SLC20A2: variants seen among roughly 807,000 people sequenced by gnomAD.
SLC20A2 encodes sodium-dependent phosphate transporter 2.
Under a neutral mutation model 61.0 loss-of-function variants are expected in SLC20A2, and 30 were observed. The observed-to-expected ratio is 0.49, with a 90% confidence interval of 0.37 to 0.67. The LOEUF (loss-of-function observed/expected upper bound fraction) is 0.67, where lower values mean the gene tolerates loss of function less well. SLC20A2 is among the 30% of genes least tolerant of loss of function. SLC20A2 has a pLI of 0.00. For synonymous variants in SLC20A2, 351 were observed against 353.3 expected (o/e 0.99, Z 0.07); for missense variants, 626 against 866.4 (o/e 0.72, Z 3.48).
rs2131231366 is a variant in SLC20A2 at position 42,472,963 on chromosome 8, G to A, written c.-264-309C>T. On this transcript the variant is annotated intron_variant, in intron 1 of 10. Coordinates refer to ENST00000520262, the MANE Select transcript of SLC20A2 (RefSeq NM_001257180.2). This position sits in a 1 kb window ranked among gnomAD's most constrained non-coding sequence, Gnocchi z 4.1. ...ATATTTGGTCATTATTTTCAGAGAG[G>A]AACAAGTGCCTCAAATGAGCAAAAG... Among the ~76,000 whole-genome samples, 1 of 152,262 alleles carries A rather than the reference G, an allele frequency of 6.6e-6. No individual in the cohort carries two copies. The highest frequency in any genetic ancestry group is 2.1e-4 in the South Asian group (1 of 4,818).
intron 1 of SLC20A2, among the ~76,000 whole-genome samples, chr8:42,499,284 C>T (rs1463825044): frequency 1.3e-5 from 2 of 152,174 alleles, no homozygotes; most frequent in African/African-American, 2.4e-5. Flanking sequence ...CATAACCAGT[C>T]ACAGCCAGCA....
intron 10 of SLC20A2, among the ~76,000 whole-genome samples, chr8:42,421,528 G>T (rs554433715): frequency 1.1e-4 from 16 of 152,152 alleles, no homozygotes; most frequent in Non-Finnish European, 2.1e-4. Context: ...ATATCGGCCG[G>T]GTGCGGTGGC....
Position 42,437,690 on chromosome 8 carries a change from C to A in SLC20A2, c.935-113G>T. 2.3e-6 allele frequency: 2 copies of A among 863,278 alleles called. No individual in the cohort carries two copies. Among genetic ancestry groups the A allele is most frequent in the Non-Finnish European group, 3.3e-6 (2 of 597,584 alleles). 53.5% of individuals were successfully genotyped at this position (863,278 alleles called of 1,614,324 possible). ...GTGGAGTACAATGGCGCAATCTCGG[C>A]TCACTGCAACCTTCGCCTCCCGGGT... On this transcript the variant is annotated intron_variant, in intron 7 of 10. Transcript: ENST00000520262. This position sits in a 1 kb window ranked among gnomAD's most constrained non-coding sequence, Gnocchi z 6.4.
chr8:42,496,962 TC>T (rs1809977027), intron 1 of SLC20A2, among the ~76,000 whole-genome samples: 1 of 152,176 alleles, frequency 6.6e-6, no homozygotes, highest in African/African-American at 2.4e-5. Flanking sequence ...GGCTGTGAGG[TC>T]ACATGGGGAG....
intron 1 of SLC20A2, among the ~76,000 whole-genome samples, chr8:42,538,950 G>A (rs771550993): frequency 6.6e-6 from 1 of 152,172 alleles, no homozygotes. Context: ...GGGAGGCTGA[G>A]GAGGGCAGAT....
intron 1 of SLC20A2, among the ~76,000 whole-genome samples, chr8:42,500,463 T>G (rs1810247607): frequency 6.6e-6 from 1 of 152,232 alleles, no homozygotes; most frequent in Admixed American, 6.5e-5. Flanking sequence ...TTTAAATTAT[T>G]CTCTAAAACC....
At chr8:42,533,213 G>C (rs753091643) in intron 1 of SLC20A2, among the ~76,000 whole-genome samples, 2 of 152,122 alleles carry the variant, frequency 1.3e-5, no homozygotes, top group African/African-American at 2.4e-5. Flanking sequence ...ATTTACAGAA[G>C]AAAAAATTGT....
intron 6 of SLC20A2, among the ~76,000 whole-genome samples, chr8:42,442,153 G>A (rs930315544): frequency 2.4e-4 from 36 of 151,908 alleles, no homozygotes; most frequent in Admixed American, 5.9e-4. Context: ...GGCTGATCTC[G>A]AACTCCCGAC....
At chr8:42,498,998 A>C (rs190080598) in intron 1 of SLC20A2, among the ~76,000 whole-genome samples, 3 of 152,350 alleles carry the variant, frequency 2.0e-5, no homozygotes, top group Admixed American at 2.0e-4. Flanking sequence ...AGTGAAATAA[A>C]TCTGCAACCG....
At chr8:42,493,047 G>A (rs1378687727) in intron 1 of SLC20A2, among the ~76,000 whole-genome samples, 3 of 152,162 alleles carry the variant, frequency 2.0e-5, no homozygotes, top group Admixed American at 6.5e-5. Context: ...CTGAATTTCA[G>A]CCTCAATGCC....
At chr8:42,440,581 C>A (rs910003230) in intron 6 of SLC20A2, among the ~76,000 whole-genome samples, 6 of 152,284 alleles carry the variant, frequency 3.9e-5, no homozygotes, top group Admixed American at 1.3e-4. Flanking sequence ...TATAAACATT[C>A]ATGTGCAGAT....
rs1259257563 is a variant in SLC20A2 at position 42,437,455 on chromosome 8, G to GC, written c.1056dup (p.Leu353AlafsTer62). 6.2e-7 allele frequency: 1 copy of GC among 1,614,126 alleles called. No homozygotes were observed. The highest frequency in any genetic ancestry group is 2.2e-5 in the East Asian group (1 of 44,876). ...ATTTTGTGCAGCAGATCTTTGTAGAGCCCCGAGTCTTTGTGCACGGTGTGG... is the reference window on the plus strand; with the variant it reads ...ATTTTGTGCAGCAGATCTTTGTAGAGCCCCCGAGTCTTTGTGCACGGTGTGG... On this transcript the variant is annotated frameshift_variant, in exon 8 of 11. Coordinates refer to ENST00000520262, the MANE Select transcript of SLC20A2 (RefSeq NM_001257180.2). LOFTEE classifies it high-confidence loss of function. This position sits in a 1 kb window ranked among gnomAD's most constrained non-coding sequence, Gnocchi z 6.4.
Position 42,497,767 on chromosome 8 carries a change from G to A in SLC20A2, c.-265+3264C>T, listed in dbSNP as rs117020537. ...TGGAGCCAAGTCTCTTTGTTGTGGA[G>A]CCATGAACTAGACCCAGAACCTTAG... is the stretch of plus-strand genomic sequence containing the variant. On this transcript the variant is annotated intron_variant, in intron 1 of 10. Transcript: ENST00000520262. Among the ~76,000 whole-genome samples, 52 of 149,976 alleles carry A rather than the reference G, an allele frequency of 3.5e-4. No homozygotes were observed. In the East Asian group the frequency reaches 9.2e-3, roughly 27 times the overall value.
chr8:42,439,901 A>C (rs1804635802), intron 6 of SLC20A2, among the ~76,000 whole-genome samples: 1 of 152,082 alleles, frequency 6.6e-6, no homozygotes, highest in African/African-American at 2.4e-5. Flanking sequence ...CCTGGATAAT[A>C]TGGTGAAACC....
intron 2 of SLC20A2, chr8:42,471,303 G>A (rs1034756052): frequency 2.0e-5 from 9 of 446,416 alleles, no homozygotes; most frequent in African/African-American, 1.2e-4. Flanking sequence ...GAAGACCCAC[G>A]GGGCCGAGAT....
intron 2 of SLC20A2, among the ~76,000 whole-genome samples, chr8:42,469,852 C>T (rs963010544): frequency 1.8e-4 from 27 of 150,778 alleles, no homozygotes; most frequent in African/African-American, 6.3e-4. Context: ...CGCTTGAACC[C>T]AGGAGGCAGA....
intron 6 of SLC20A2, among the ~76,000 whole-genome samples, chr8:42,442,894 A>G (rs1328694879): frequency 1.3e-5 from 2 of 152,276 alleles, no homozygotes; most frequent in East Asian, 3.9e-4. Flanking sequence ...CCAAAATGTG[A>G]CCCTATGGTA....
intron 10 of SLC20A2, among the ~76,000 whole-genome samples, chr8:42,427,422 C>G (rs1803491759): frequency 6.6e-6 from 1 of 152,200 alleles, no homozygotes; most frequent in Non-Finnish European, 1.5e-5. Context: ...AGCGGCTCAA[C>G]TCTGAGGGAA....
At chr8:42,473,296 A>G (rs1807791932) in intron 1 of SLC20A2, among the ~76,000 whole-genome samples, 1 of 152,138 alleles carries the variant, frequency 6.6e-6, no homozygotes, top group African/African-American at 2.4e-5. Flanking sequence ...CCATCTCACT[A>G]GGAGGAAAAG....
Sources: gnomAD v4.1 joint callset for allele counts (sites outside exome capture counted in the v4.1 genomes callset) on GRCh38, gnomAD v4.1.1 for gene constraint, Gnocchi (gnomAD v3.1) non-coding constraint, MANE v1.5 for transcripts, NCBI Gene and HGNC (gene_info 2026-07-23, HGNC 2026-07-21) for gene names.